TNRC6B: variants seen among roughly 807,000 people sequenced by gnomAD.
The protein encoded by TNRC6B is trinucleotide repeat containing adaptor 6B, also known as trinucleotide repeat-containing gene 6B protein.
In TNRC6B, 52 loss-of-function variants were observed where a neutral mutation model predicts 203.6. That is an observed-to-expected ratio of 0.26 (90% CI 0.20 to 0.32). The LOEUF is 0.32. Among genes scored for constraint, TNRC6B ranks in the 10% least tolerant of loss-of-function variants. TNRC6B has a pLI of 1.00. For synonymous variants in TNRC6B, 838 were observed against 845.7 expected, an observed-to-expected ratio of 0.99 and a Z score of 0.16; for missense variants, 1,923 against 2,286.2, an observed-to-expected ratio of 0.84 and a Z score of 3.24.
In TNRC6B at chr22:40,265,921, C is replaced by G. The variant is rs1343974185; in HGVS notation, c.1691C>G (p.Ser564Cys). Residue 564 changes from serine (S) to cysteine (C), a missense_variant, in exon 5 of 23, where the codon TCC becomes TGC. Transcript: ENST00000454349. ...CCCTGTTGGGGAAGATCTTCCAGCT[C>G]CACAGGAAGTGAAGTTGGAGGTCAA... ...QAPCWGRSSS[S>C]TGSEVGGQST... 6.2e-7 allele frequency: 1 copy of G among 1,613,988 alleles called. No individual in the cohort carries two copies. The highest frequency in any genetic ancestry group is 1.7e-5 in the Admixed American group (1 of 60,024).
chr22:40,327,366 T>C lies in TNRC6B; in HGVS notation c.*4125T>C, dbSNP rs1486602991. 6.6e-6 allele frequency: 1 copy of C among 152,650 alleles called. No homozygotes were observed. The allele number at this position is 152,650 out of a possible 1,614,324, so 9.5% of individuals were successfully genotyped here. Reference sequence around the variant, plus strand: ...TAAACAAACGTCAAGCAAGTTAATATGCTTATGTCTCAGTAATGTAGAATG... The same window carrying C: ...TAAACAAACGTCAAGCAAGTTAATACGCTTATGTCTCAGTAATGTAGAATG... On this transcript the variant is annotated 3_prime_UTR_variant, in exon 23 of 23. Coordinates refer to ENST00000454349, the MANE Select transcript of TNRC6B (RefSeq NM_001162501.2).
intron 1 of TNRC6B, among the ~76,000 whole-genome samples, chr22:40,075,817 A>G (rs1260428220): frequency 2.6e-5 from 4 of 152,128 alleles, no homozygotes; most frequent in Non-Finnish European, 5.9e-5. Flanking sequence ...TGCATCTTTA[A>G]CTTATGCAGT....
Position 40,331,684 on chromosome 22 carries a change from C to G in TNRC6B, c.*8443C>G. The G allele has an allele frequency of 4.9e-6, 1 of 203,572 alleles. No individual in the cohort carries two copies. The highest frequency in any genetic ancestry group is 9.1e-6 in the Non-Finnish European group (1 of 109,760). 12.6% of individuals were successfully genotyped at this position (203,572 alleles called of 1,614,324 possible). ...TTTTTTTTTTTTCAAAAAAAAAAGT[C>G]CCACATGTGGTCATCGTCGCTTCTT... On this transcript the variant is annotated 3_prime_UTR_variant, in exon 23 of 23. Coordinates refer to ENST00000454349, the MANE Select transcript of TNRC6B (RefSeq NM_001162501.2).
chr22:40,229,046 A>G lies in TNRC6B; in HGVS notation c.6-16969A>G, dbSNP rs371706967. 7.2e-5 allele frequency among the ~76,000 whole-genome samples: 11 copies of G among 152,340 alleles called. No homozygotes were observed. The East Asian group carries it at 1.9e-3, about 27-fold the overall frequency. ...TCCTTTGAAGTCAAGCAAAACCGTA[A>G]GAATGGTTAAAAAATTAACAGCTTT... On this transcript the variant is annotated intron_variant, in intron 1 of 22. Coordinates refer to ENST00000454349, the MANE Select transcript of TNRC6B (RefSeq NM_001162501.2).
intron 1 of TNRC6B, among the ~76,000 whole-genome samples, chr22:40,065,304 A>G (rs554177471): frequency 1.3e-5 from 2 of 151,810 alleles, no homozygotes; most frequent in African/African-American, 2.4e-5. Flanking sequence ...GTACCACCAC[A>G]CCCAGCTAAT....
chr22:40,056,518 GTGCAGTGGCTCA>G (rs2146267130), intron 1 of TNRC6B, among the ~76,000 whole-genome samples: 1 of 152,292 alleles, frequency 6.6e-6, no homozygotes, highest in South Asian at 2.1e-4. Context: ...ATCAGGCTGG[GTGCAGTGGCTCA>G]TGCCTGTAAT....
At chr22:40,207,074 C>T (rs1364538659) in intron 1 of TNRC6B, among the ~76,000 whole-genome samples, 1 of 152,140 alleles carries the variant, frequency 6.6e-6, no homozygotes, top group Non-Finnish European at 1.5e-5. Flanking sequence ...TGCCTTAGAG[C>T]TGCATCACTT....
chr22:40,276,472 TG>T (rs1455867450), intron 7 of TNRC6B, among the ~76,000 whole-genome samples: 1 of 152,216 alleles, frequency 6.6e-6, no homozygotes, highest in African/African-American at 2.4e-5. Context: ...GTGGAGCTCA[TG>T]GTCAGTGCCT....
intron 1 of TNRC6B, among the ~76,000 whole-genome samples, chr22:40,083,815 G>A (rs2068079981): frequency 6.6e-6 from 1 of 152,146 alleles, no homozygotes; most frequent in Non-Finnish European, 1.5e-5. Flanking sequence ...TCGTGAGATA[G>A]CAGATCGTTG....
intron 4 of TNRC6B, among the ~76,000 whole-genome samples, chr22:40,159,056 G>T (rs1460592942): frequency 6.6e-6 from 1 of 151,646 alleles, no homozygotes; most frequent in Non-Finnish European, 1.5e-5. Flanking sequence ...TCCGCCTCCC[G>T]GGTTCACGCC....
chr22:40,204,473 C>T (rs1026386215), intron 1 of TNRC6B, among the ~76,000 whole-genome samples: 3 of 152,232 alleles, frequency 2.0e-5, no homozygotes, highest in Non-Finnish European at 1.5e-5. Flanking sequence ...GTACATTTTC[C>T]TGGCTACGGG....
chr22:40,148,039 G>A (rs2068710387), intron 3 of TNRC6B, among the ~76,000 whole-genome samples: 1 of 152,084 alleles, frequency 6.6e-6, no homozygotes, highest in South Asian at 2.1e-4. Flanking sequence ...TGGCATATAG[G>A]TTATATCTCA....
chr22:40,293,054 G>A (rs1372733652), intron 12 of TNRC6B, among the ~76,000 whole-genome samples: 1 of 152,030 alleles, frequency 6.6e-6, no homozygotes, highest in Non-Finnish European at 1.5e-5. Context: ...GATTTGGGCA[G>A]CTATGGTTCA....
chr22:40,206,466 A>G (rs2069478892), intron 1 of TNRC6B, among the ~76,000 whole-genome samples: 1 of 152,094 alleles, frequency 6.6e-6, no homozygotes. Context: ...GAGCTTTGTC[A>G]TGTTCATGGT....
chr22:40,126,580 A>AT (rs955369459), intron 3 of TNRC6B, among the ~76,000 whole-genome samples: 6,057 of 88,664 alleles, frequency 0.068, 1,032 homozygotes, highest in African/African-American at 0.19. Context: ...ACGTTATTTA[A>AT]TTTTTTTTTT....
At chr22:40,209,904 A>G (rs1042743398) in intron 1 of TNRC6B, among the ~76,000 whole-genome samples, 2 of 152,048 alleles carry the variant, frequency 1.3e-5, no homozygotes, top group African/African-American at 4.8e-5. Context: ...CTGTAATCCC[A>G]GCTACTCTGG....
At chr22:40,313,071 C>A in intron 19 of TNRC6B, 74 bp downstream of exon 19, 1 of 1,149,888 alleles carries the variant, frequency 8.7e-7, no homozygotes, top group Non-Finnish European at 1.3e-6. Flanking sequence ...AGGAAACTGG[C>A]ATGTATTTCA....
Position 40,265,060 on chromosome 22 carries a change from A to G in TNRC6B, c.830A>G (p.Asn277Ser). The change falls in exon 5 of 23, where the codon AAC becomes AGC. Residue 277 changes from asparagine (N) to serine (S), a missense_variant. This residue lies in a region of TNRC6B where 614 missense variants were observed against 587.7 expected (regional missense o/e 1.04). Coordinates refer to ENST00000454349, the MANE Select transcript of TNRC6B (RefSeq NM_001162501.2). ...CAATCTTCCAACTCTACTACAGAGA[A>G]CAACAATGGACTAGGAAATTGGAGG... ...SVQSSNSTTE[N>S]NNGLGNWRNV... The G allele has an allele frequency of 6.2e-7, 1 of 1,614,040 alleles. No homozygotes were observed. The highest frequency in any genetic ancestry group is 8.5e-7 in the Non-Finnish European group (1 of 1,179,892).
At chr22:40,120,352 TACTG>T (rs1046803962) in intron 2 of TNRC6B, among the ~76,000 whole-genome samples, 6 of 137,822 alleles carry the variant, frequency 4.4e-5, no homozygotes, top group South Asian at 2.3e-4. Flanking sequence ...AAAAAAAAAA[TACTG>T]AATAGATATT....
Sources: allele counts gnomAD v4.1 joint callset (sites outside exome capture counted in the v4.1 genomes callset), GRCh38; gene constraint gnomAD v4.1.1; regional missense constraint gnomAD v4.1.1; transcripts MANE v1.5; gene names NCBI Gene and HGNC (gene_info 2026-07-23, HGNC 2026-07-21).